The following NAA35 variants were observed in gnomAD, a reference collection of about 807,000 sequenced individuals.
NAA35 encodes MAK10 homolog, amino-acid N-acetyltransferase subunit.
NAA35 carries 18 observed loss-of-function variants against 101.7 expected under a neutral mutation model. The ratio of observed to expected loss-of-function variants is 0.18; its 90% CI spans 0.12 to 0.26. NAA35 has a LOEUF of 0.26. Among genes scored for constraint, NAA35 ranks in the 10% least tolerant of loss-of-function variants. The probability of loss-of-function intolerance (pLI) is 1.00; values close to 1 mark genes in which losing one functional copy is unlikely to be tolerated. For missense variants in NAA35, 601 were observed against 886.8 expected, an observed-to-expected ratio of 0.68 and a Z score of 4.09; for synonymous variants, 267 against 273.1, an observed-to-expected ratio of 0.98 and a Z score of 0.22.
intron 11 of NAA35, among the ~76,000 whole-genome samples, chr9:85,982,456 C>T (rs1830475370): frequency 6.6e-6 from 1 of 152,176 alleles, no homozygotes; most frequent in Non-Finnish European, 1.5e-5. Context: ...ATGATGTTCA[C>T]ATCACCTCCT....
At chr9:85,995,478 G>C (rs915098311) in intron 11 of NAA35, among the ~76,000 whole-genome samples, 2 of 152,024 alleles carry the variant, frequency 1.3e-5, no homozygotes, top group African/African-American at 4.8e-5. Context: ...AGAGGAAAAA[G>C]ACCAAGAACC....
Position 85,990,936 on chromosome 9 carries a change from A to G in NAA35, c.878-5463A>G, listed in dbSNP as rs569816766. On this transcript the variant is annotated intron_variant, in intron 11 of 22. Transcript: ENST00000361671. ...ATGGGGAGGGCATCTGCAAAGAGAT[A>G]AACCTAGAGCAGGAGTTTGGAATAG... is the stretch of plus-strand genomic sequence containing the variant. Among the ~76,000 whole-genome samples the G allele has an allele frequency of 2.6e-5, 4 of 152,262 alleles. No individual in the cohort carries two copies. In the South Asian group the frequency reaches 8.3e-4, roughly 32 times the overall value.
intron 22 of NAA35, among the ~76,000 whole-genome samples, chr9:86,021,648 A>G (rs1359966010): frequency 2.6e-5 from 4 of 152,172 alleles, no homozygotes; most frequent in Non-Finnish European, 5.9e-5. Context: ...TTTATCTTTT[A>G]ACTGTTCTTT....
chr9:86,005,088 A>G (rs950326693), intron 13 of NAA35, among the ~76,000 whole-genome samples: 17 of 152,216 alleles, frequency 1.1e-4, no homozygotes, highest in Non-Finnish European at 4.4e-5. Context: ...TATTCCATGA[A>G]CACAGATGTA....
At chr9:86,021,791 C>A in intron 22 of NAA35, 110 bp from the exon 23 acceptor site, 1 of 866,294 alleles carries the variant, frequency 1.2e-6, no homozygotes, top group South Asian at 1.7e-5. Flanking sequence ...CTATTTTGTG[C>A]TGCCTTGTTT....
At chr9:85,987,645 A>G (rs1163714020) in intron 11 of NAA35, among the ~76,000 whole-genome samples, 4 of 152,222 alleles carry the variant, frequency 2.6e-5, no homozygotes, top group Non-Finnish European at 5.9e-5. Flanking sequence ...TACTGTGAAG[A>G]TGGCTCTGAT....
At chr9:85,966,905 G>A (rs1328404055) in intron 6 of NAA35, among the ~76,000 whole-genome samples, 1 of 152,192 alleles carries the variant, frequency 6.6e-6, no homozygotes, top group African/African-American at 2.4e-5. Flanking sequence ...TCAGGAGTTC[G>A]AGACCAGCCT....
chr9:85,959,399 A>T (rs559730423), intron 4 of NAA35, among the ~76,000 whole-genome samples: 90 of 151,686 alleles, frequency 5.9e-4, no homozygotes, highest in African/African-American at 2.1e-3. Context: ...ACAAAAAAAA[A>T]AACTTTAGTT....
At chr9:85,961,468 T>C (rs2117883911) in intron 5 of NAA35, among the ~76,000 whole-genome samples, 1 of 152,366 alleles carries the variant, frequency 6.6e-6, no homozygotes, top group Middle Eastern at 3.4e-3. Flanking sequence ...ATTCCCAACC[T>C]CTAGTACATG....
At chr9:85,990,916 G>A (rs989266694) in intron 11 of NAA35, among the ~76,000 whole-genome samples, 1 of 152,216 alleles carries the variant, frequency 6.6e-6, no homozygotes, top group Admixed American at 6.5e-5. Context: ...GTGGAATGGG[G>A]AGGGCATCTG....
At position 86,023,770 on chromosome 9, in the gene NAA35, A is replaced by G. The variant is rs189339743; in HGVS notation, c.*1810A>G. On this transcript the variant is annotated 3_prime_UTR_variant, in exon 23 of 23. Coordinates refer to ENST00000361671, the MANE Select transcript of NAA35 (RefSeq NM_024635.4). ...TTTTCCTATTAACCCATTATCAACT[A>G]AAAAAGATTGATTAGTGTTAGATTT... is the stretch of plus-strand genomic sequence containing the variant. Among the ~76,000 whole-genome samples, 282 of 152,374 alleles carry G rather than the reference A, an allele frequency of 1.9e-3. 1 individual carries two copies. Among genetic ancestry groups the G allele is most frequent in the South Asian group, 0.01 (50 of 4,832 alleles).
Position 85,957,418 on chromosome 9 carries a change from C to A in NAA35, c.158+1025C>A, listed in dbSNP as rs188520231. Reference sequence around the variant, plus strand: ...GCAAGAAAACCTTTGTCTAGGTGGACTCCTGCAATCCAAACACATGTTGTG... The same window carrying A: ...GCAAGAAAACCTTTGTCTAGGTGGAATCCTGCAATCCAAACACATGTTGTG... On this transcript the variant is annotated intron_variant, in intron 3 of 22. Transcript: ENST00000361671. Among the ~76,000 whole-genome samples, 5 of 152,266 alleles carry A rather than the reference C, an allele frequency of 3.3e-5. No individual in the cohort carries two copies. In the East Asian group the frequency reaches 7.7e-4, roughly 24 times the overall value.
chr9:85,968,807 A>T (rs1829872764), intron 6 of NAA35, among the ~76,000 whole-genome samples: 1 of 152,204 alleles, frequency 6.6e-6, no homozygotes. Flanking sequence ...TGGTTAAATC[A>T]TTATGGAGCA....
intron 14 of NAA35, among the ~76,000 whole-genome samples, chr9:86,008,292 C>A (rs555300070): frequency 6.6e-6 from 1 of 152,176 alleles, no homozygotes; most frequent in Non-Finnish European, 1.5e-5. Flanking sequence ...CAAACCCTGA[C>A]CTCAAGTGAT....
intron 11 of NAA35, among the ~76,000 whole-genome samples, chr9:85,986,159 G>C (rs1009958089): frequency 6.6e-6 from 1 of 152,214 alleles, no homozygotes; most frequent in African/African-American, 2.4e-5. Context: ...GTATTCAGAA[G>C]AGATTGAGAG....
At chr9:85,965,737 A>G (rs959527010) in intron 6 of NAA35, among the ~76,000 whole-genome samples, 4 of 152,132 alleles carry the variant, frequency 2.6e-5, no homozygotes, top group African/African-American at 9.7e-5. Flanking sequence ...TAAAGTGAGA[A>G]AAGTCGGGTG....
chr9:86,021,831 A>G, intron 22 of NAA35, 70 bp from the exon 23 acceptor site: 1 of 1,242,960 alleles, frequency 8.0e-7, no homozygotes, highest in Non-Finnish European at 1.1e-6. Context: ...TAAAATAAAA[A>G]TAGTCTTTGT....
At chr9:85,953,608 T>A (rs1378124422) in intron 2 of NAA35, among the ~76,000 whole-genome samples, 1 of 151,798 alleles carries the variant, frequency 6.6e-6, no homozygotes, top group Non-Finnish European at 1.5e-5. Flanking sequence ...GTATTTTTTT[T>A]GGTAGAGATG....
At chr9:85,982,508 T>C (rs1830477145) in intron 11 of NAA35, among the ~76,000 whole-genome samples, 1 of 152,248 alleles carries the variant, frequency 6.6e-6, no homozygotes, top group African/African-American at 2.4e-5. Flanking sequence ...AATATGTTTC[T>C]CTTTCCATGT....
Sources: gnomAD v4.1 joint callset for allele counts (sites outside exome capture counted in the v4.1 genomes callset) on GRCh38, gnomAD v4.1.1 for gene constraint, MANE v1.5 for transcripts, NCBI Gene and HGNC (gene_info 2026-07-23, HGNC 2026-07-21) for gene names.